The following TBC1D30 variants were observed in gnomAD, a reference collection of about 807,000 sequenced individuals.
TBC1D30 encodes the protein TBC1 domain family, member 30.
In TBC1D30, 31 loss-of-function variants were observed where a neutral mutation model predicts 63.2. The observed-to-expected ratio is 0.49, with a 90% CI of 0.37 to 0.66. TBC1D30 has a LOEUF of 0.66. Among genes scored for constraint, TBC1D30 ranks in the 30% least tolerant of loss-of-function variants. The pLI is 0.00. For synonymous variants in TBC1D30, 307 were observed against 361.5 expected (o/e 0.85, Z 1.71); for missense variants, 810 against 953.6 (o/e 0.85, Z 1.98).
At chr12:64,869,257 C>G (rs1388839842) in intron 10 of TBC1D30, among the ~76,000 whole-genome samples, 1 of 152,146 alleles carries the variant, frequency 6.6e-6, no homozygotes, top group African/African-American at 2.4e-5. Context: ...ATGGGGCTAT[C>G]TTCTCTTTTT....
chr12:64,761,071 G>A (rs561018079), intron 1 of TBC1D30, among the ~76,000 whole-genome samples: 1 of 152,278 alleles, frequency 6.6e-6, no homozygotes, highest in South Asian at 2.1e-4. Context: ...TGCCGGAAGT[G>A]TGGTCAGAGC....
At chr12:64,817,967 G>A (rs1873647395) in intron 2 of TBC1D30, among the ~76,000 whole-genome samples, 1 of 151,656 alleles carries the variant, frequency 6.6e-6, no homozygotes, top group Non-Finnish European at 1.5e-5. Flanking sequence ...AGAGGGTGAG[G>A]CACAGAAATC....
At chr12:64,792,786 C>A (rs1872002642) in intron 2 of TBC1D30, among the ~76,000 whole-genome samples, 1 of 152,136 alleles carries the variant, frequency 6.6e-6, no homozygotes, top group South Asian at 2.1e-4. Context: ...GTTGGCCAGG[C>A]TGGTCTTAAA....
At chr12:64,870,500 A>G (rs1261002923) in intron 10 of TBC1D30, 102 bp from the exon 11 acceptor site, 1 of 900,070 alleles carries the variant, frequency 1.1e-6, no homozygotes, top group African/African-American at 1.7e-5. Flanking sequence ...TTAGAATTTC[A>G]TGGAGGTTAA....
chr12:64,834,532 G>A (rs1020430833), intron 5 of TBC1D30, among the ~76,000 whole-genome samples: 1 of 149,340 alleles, frequency 6.7e-6, no homozygotes, highest in Admixed American at 6.8e-5. Flanking sequence ...TCAGCCTCCC[G>A]AGTAGCTGGG....
intron 2 of TBC1D30, among the ~76,000 whole-genome samples, chr12:64,812,941 A>G (rs570543066): frequency 2.6e-5 from 4 of 152,274 alleles, no homozygotes; most frequent in South Asian, 2.1e-4. Flanking sequence ...AATTTAAACA[A>G]ACGTTCTTTT....
At chr12:64,793,489 C>CAAAAAAAAA (rs56138627) in intron 2 of TBC1D30, among the ~76,000 whole-genome samples, 3 of 115,476 alleles carry the variant, frequency 2.6e-5, no homozygotes, top group Admixed American at 8.9e-5. Context: ...ACCAAAAATA[C>CAAAAAAAAA]AAAAAAAAAA....
At chr12:64,871,256 A>C (rs920074687) in intron 11 of TBC1D30, among the ~76,000 whole-genome samples, 2 of 152,200 alleles carry the variant, frequency 1.3e-5, no homozygotes, top group African/African-American at 2.4e-5. Flanking sequence ...GGGAAAAAAA[A>C]CATTAAAAAC....
chr12:64,773,101 G>A (rs1022741741), intron 1 of TBC1D30, among the ~76,000 whole-genome samples: 1 of 152,188 alleles, frequency 6.6e-6, no homozygotes, highest in African/African-American at 2.4e-5. Context: ...TAAAATTGGG[G>A]CTGCATCTTT....
intron 2 of TBC1D30, among the ~76,000 whole-genome samples, chr12:64,804,995 G>T (rs1872782146): frequency 6.6e-6 from 1 of 152,280 alleles, no homozygotes; most frequent in East Asian, 1.9e-4. Flanking sequence ...GAGGTCAGAA[G>T]TTCGAGACCA....
upstream of TBC1D30, among the ~76,000 whole-genome samples, chr12:64,822,831 T>C (rs920407385): frequency 6.6e-6 from 1 of 152,154 alleles, no homozygotes. Context: ...TTGTGAAACA[T>C]TTCCTTTCTT....
intron 8 of TBC1D30, among the ~76,000 whole-genome samples, chr12:64,862,832 GT>G (rs1877904437): frequency 6.6e-6 from 1 of 152,182 alleles, no homozygotes; most frequent in Middle Eastern, 3.4e-3. Flanking sequence ...ATGAATGAGG[GT>G]TGATTCTTGG....
At chr12:64,772,561 C>A (rs1870945953) in intron 1 of TBC1D30, among the ~76,000 whole-genome samples, 1 of 152,104 alleles carries the variant, frequency 6.6e-6, no homozygotes, top group South Asian at 2.1e-4. Context: ...TCCCAAGTAG[C>A]TGGGATTACA....
chr12:64,804,588 C>T (rs140786010), intron 2 of TBC1D30, among the ~76,000 whole-genome samples: 5,619 of 152,202 alleles, frequency 0.037, 375 homozygotes, highest in African/African-American at 0.13. Context: ...GGAATGCTTC[C>T]AGTTTTTGCC....
rs1433205439 is a variant in TBC1D30 at position 64,875,619 on chromosome 12, C to A, written c.2117C>A (p.Thr706Asn). 4 of 1,536,118 alleles carry A rather than the reference C, an allele frequency of 2.6e-6. No individual in the cohort carries two copies. Among genetic ancestry groups the A allele is most frequent in the South Asian group, 1.2e-5 (1 of 84,062 alleles). Residue 706 changes from threonine (T) to asparagine (N), a missense_variant, in exon 12 of 12, where the codon ACC (threonine) becomes AAC (asparagine). Transcript: ENST00000539867. ...GCTCCCCAAGGCAGCAACTCAAAAACCCCCATCTTTAGCCCTTTTCCCAGC... is the reference window on the plus strand; with the variant it reads ...GCTCCCCAAGGCAGCAACTCAAAAAACCCCATCTTTAGCCCTTTTCCCAGC... ...SKAPQGSNSK[T>N]PIFSPFPSVK... is the part of the protein sequence containing the mutation.
intron 8 of TBC1D30, among the ~76,000 whole-genome samples, chr12:64,850,703 G>A (rs9738953): frequency 6.6e-5 from 10 of 152,072 alleles, no homozygotes; most frequent in Non-Finnish European, 8.8e-5. Flanking sequence ...TTTTTGCATC[G>A]ATGTTCATTG....
rs185882049 is a variant in TBC1D30, at chr12:64,876,812, C to T, written c.*1024C>T. Reference sequence around the variant, plus strand: ...GAAGGCCCCAGTGCTTTCTAGCTCCCTCTCACTCCTGCCCTTTCTAGCTCT... The same window carrying T: ...GAAGGCCCCAGTGCTTTCTAGCTCCTTCTCACTCCTGCCCTTTCTAGCTCT... On this transcript the variant is annotated 3_prime_UTR_variant, in exon 12 of 12. Coordinates refer to ENST00000539867, the MANE Select transcript of TBC1D30 (RefSeq NM_015279.2). 1.1e-5 allele frequency: 5 copies of T among 456,118 alleles called. No homozygotes were observed. Among genetic ancestry groups the T allele is most frequent in the East Asian group, 6.9e-5 (1 of 14,398 alleles). 28.3% of individuals were successfully genotyped at this position (456,118 alleles called of 1,614,324 possible).
At chr12:64,848,138 CCTT>C (rs1876549483) in intron 8 of TBC1D30, among the ~76,000 whole-genome samples, 1 of 151,654 alleles carries the variant, frequency 6.6e-6, no homozygotes, top group African/African-American at 2.4e-5. Context: ...TACATAATGA[CCTT>C]CTTTGTCTCT....
intron 3 of TBC1D30, among the ~76,000 whole-genome samples, chr12:64,829,141 G>C (rs11614653): frequency 1.3e-5 from 2 of 152,142 alleles, no homozygotes; most frequent in Non-Finnish European, 2.9e-5. Context: ...CATAGGTCTT[G>C]GGCTTTTGCT....
Sources: allele counts gnomAD v4.1 joint callset (sites outside exome capture counted in the v4.1 genomes callset), GRCh38; gene constraint gnomAD v4.1.1; transcripts MANE v1.5; gene names NCBI Gene and HGNC (gene_info 2026-07-23, HGNC 2026-07-21).